The following REST variants were observed in gnomAD, a reference collection of about 807,000 sequenced individuals.
REST encodes RE1-silencing transcription factor.
In REST, 1 loss-of-function variant was observed where a neutral mutation model predicts 30.4. That is an observed-to-expected ratio of 0.03 (90% CI 0.01 to 0.16). The LOEUF (loss-of-function observed/expected upper bound fraction) is 0.16, where lower values mean the gene tolerates loss of function less well. Among genes scored for constraint, REST ranks in the 10% least tolerant of loss-of-function variants. The pLI is 1.00. For synonymous variants in REST, 504 were observed against 451.1 expected, an observed-to-expected ratio of 1.12 and a Z score of -1.49; for missense variants, 1,259 against 1,329.5, an observed-to-expected ratio of 0.95 and a Z score of 0.82.
At chr4:56,912,520 A>ATT (rs1037452092) in intron 2 of REST, among the ~76,000 whole-genome samples, 1 of 139,562 alleles carries the variant, frequency 7.2e-6, no homozygotes, top group Non-Finnish European at 1.6e-5. Context: ...TGCCTGGCTA[A>ATT]TTTTTTTTTT....
intron 1 of REST, 115 bp from the exon 2 acceptor site, chr4:56,910,515 T>C (rs1719843902): frequency 3.6e-6 from 3 of 833,206 alleles, no homozygotes; most frequent in South Asian, 2.0e-5. Context: ...TTTACTGAGT[T>C]ATAAAGATCA....
At chr4:56,927,377 A>G (rs181893434) in intron 3 of REST, among the ~76,000 whole-genome samples, 1 of 152,336 alleles carries the variant, frequency 6.6e-6, no homozygotes, top group African/African-American at 2.4e-5. Context: ...GTAGACCAAC[A>G]TGGAGAAGAA....
intron 3 of REST, among the ~76,000 whole-genome samples, chr4:56,923,301 T>A (rs1720536093): frequency 6.6e-6 from 1 of 152,218 alleles, no homozygotes; most frequent in African/African-American, 2.4e-5. Flanking sequence ...AGTTGGGGAC[T>A]CTGCTGCGCA....
At position 56,931,571 on chromosome 4, in the gene REST, A is replaced by G. The variant is rs747543922; in HGVS notation, c.2713A>G (p.Ser905Gly). 4 of 1,614,108 alleles carry G rather than the reference A, an allele frequency of 2.5e-6. No homozygotes were observed. In the African/African-American group the frequency reaches 5.3e-5, roughly 22 times the overall value. Reference sequence around the variant, plus strand: ...AGTAGGAGCAGAAGAGGCAGATGAGAGCCTACCTGGTCTTGCTGCTAATAT... The same window carrying G: ...AGTAGGAGCAGAAGAGGCAGATGAGGGCCTACCTGGTCTTGCTGCTAATAT... Reference protein sequence around the residue: ...QKVGAEEADESLPGLAANINE... With the variant: ...QKVGAEEADEGLPGLAANINE... The change falls in exon 4 of 4, where the codon AGC becomes GGC. Residue 905 changes from serine (S) to glycine (G), a missense_variant. Ser to Gly is a moderately conservative substitution (Grantham distance 56). This residue lies in a region of REST where 856 missense variants were observed against 772.8 expected (regional missense o/e 1.11). Coordinates refer to ENST00000309042, the MANE Select transcript of REST (RefSeq NM_005612.5).
chr4:56,912,233 CTA>C (rs1488976101), intron 2 of REST, among the ~76,000 whole-genome samples: 1 of 151,880 alleles, frequency 6.6e-6, no homozygotes, highest in East Asian at 1.9e-4. Flanking sequence ...CCAATTGAAA[CTA>C]TTTTCCTATG....
intron 2 of REST, among the ~76,000 whole-genome samples, chr4:56,915,396 C>T (rs537557694): frequency 2.7e-4 from 41 of 151,730 alleles, no homozygotes; most frequent in African/African-American, 9.7e-4. Context: ...CAGGTGCGTG[C>T]CACCACGCCC....
At chr4:56,912,086 C>G (rs1366544557) in intron 2 of REST, among the ~76,000 whole-genome samples, 1 of 152,210 alleles carries the variant, frequency 6.6e-6, no homozygotes, top group Non-Finnish European at 1.5e-5. Flanking sequence ...ATTAACCTTG[C>G]ACATGCCCAC....
chr4:56,918,736 C>G (rs937961222), intron 2 of REST, among the ~76,000 whole-genome samples: 1 of 151,868 alleles, frequency 6.6e-6, no homozygotes, highest in Non-Finnish European at 1.5e-5. Context: ...GTGGTACAAT[C>G]ATGGCTCACA....
At chr4:56,926,648 C>A (rs1266064204) in intron 3 of REST, among the ~76,000 whole-genome samples, 1 of 151,696 alleles carries the variant, frequency 6.6e-6, no homozygotes, top group Non-Finnish European at 1.5e-5. Flanking sequence ...CCTGCTGAGT[C>A]TTCCCTTTTA....
intron 1 of REST, among the ~76,000 whole-genome samples, chr4:56,910,175 A>G (rs1184531823): frequency 2.0e-5 from 3 of 152,212 alleles, no homozygotes; most frequent in Admixed American, 6.5e-5. Context: ...TAATAAATGC[A>G]CTGAATGGCT....
intron 3 of REST, among the ~76,000 whole-genome samples, chr4:56,921,970 T>C (rs1320372177): frequency 3.3e-5 from 5 of 152,194 alleles, no homozygotes; most frequent in Non-Finnish European, 7.3e-5. Context: ...TAACAAGACT[T>C]GATAATAAGA....
intron 2 of REST, 29 bp from the exon 3 acceptor site, chr4:56,919,758 A>G: frequency 7.2e-7 from 1 of 1,398,432 alleles, no homozygotes; most frequent in Non-Finnish European, 1.0e-6. Flanking sequence ...GTGACATTTA[A>G]ACACTCTTAT....
intron 3 of REST, 181 bp downstream of exon 3, chr4:56,920,051 C>G: frequency 2.6e-6 from 1 of 387,028 alleles, no homozygotes; most frequent in Non-Finnish European, 4.6e-6. Context: ...CAAAGGTGGA[C>G]CTCCTGAAAA....
chr4:56,915,371 G>T (rs553661618), intron 2 of REST, among the ~76,000 whole-genome samples: 5 of 148,606 alleles, frequency 3.4e-5, no homozygotes, highest in African/African-American at 1.2e-4. Flanking sequence ...TCAGCCTCCC[G>T]AGGAGCTGGG....
intron 2 of REST, among the ~76,000 whole-genome samples, chr4:56,916,102 A>G (rs2109537434): frequency 6.6e-6 from 1 of 151,916 alleles, no homozygotes; most frequent in South Asian, 2.1e-4. Context: ...CTCTGTCTCA[A>G]AAACAAACTA....
At chr4:56,918,234 G>A (rs539459721) in intron 2 of REST, among the ~76,000 whole-genome samples, 8 of 152,114 alleles carry the variant, frequency 5.3e-5, no homozygotes, top group South Asian at 4.1e-4. Context: ...GCTCATGCCC[G>A]TAATCCCAGC....
chr4:56,931,930 A>G lies in REST; in HGVS notation c.3072A>G (p.Ser1024=). The G allele has an allele frequency of 6.2e-7, 1 of 1,614,240 alleles. No individual in the cohort carries two copies. Among genetic ancestry groups the G allele is most frequent in the Non-Finnish European group, 8.5e-7 (1 of 1,180,036 alleles). ...HEGSDLSDNM[S]EGSDDSGLHG... Reference sequence around the variant, plus strand: ...GAAGTGACCTAAGTGACAACATGTCAGAGGGTAGTGATGATTCTGGATTGC... The same window carrying G: ...GAAGTGACCTAAGTGACAACATGTCGGAGGGTAGTGATGATTCTGGATTGC... Residue 1024 remains serine (S), a synonymous_variant, in exon 4 of 4, where the codon TCA becomes TCG. Coordinates refer to ENST00000309042, the MANE Select transcript of REST (RefSeq NM_005612.5).
intron 3 of REST, among the ~76,000 whole-genome samples, chr4:56,925,098 G>T (rs925850241): frequency 4.0e-5 from 6 of 150,698 alleles, no homozygotes; most frequent in Non-Finnish European, 7.4e-5. Flanking sequence ...CCGGGAGACG[G>T]TGGTTGCAGT....
intron 3 of REST, among the ~76,000 whole-genome samples, chr4:56,926,524 G>A (rs11736965): frequency 0.34 from 51,477 of 151,470 alleles, 9,024 homozygotes; most frequent in Middle Eastern, 0.47. Context: ...CTGTAGGCAC[G>A]CATCACCACG....
Sources: gnomAD v4.1 joint callset for allele counts (sites outside exome capture counted in the v4.1 genomes callset) on GRCh38, gnomAD v4.1.1 for gene constraint, gnomAD v4.1.1 regional missense constraint, MANE v1.5 for transcripts, NCBI Gene and HGNC (gene_info 2026-07-23, HGNC 2026-07-21) for gene names.